The following PCDHA11 variants were observed in gnomAD, a reference collection of about 807,000 sequenced individuals.
The protein encoded by PCDHA11 is protocadherin alpha-11.
In PCDHA11, 61 loss-of-function variants were observed where a neutral mutation model predicts 70.3. The observed-to-expected ratio is 0.87, with a 90% confidence interval of 0.71 to 1.07. The LOEUF is 1.07. Ranked by LOEUF, PCDHA11 falls within the 50% of genes least tolerant of loss-of-function variation. PCDHA11 has a pLI of 0.00. For synonymous variants in PCDHA11, 633 were observed against 555.1 expected (o/e 1.14, Z -1.97); for missense variants, 1,324 against 1,237.5 (o/e 1.07, Z -1.05).
At chr5:140,883,636 G>A (rs781839349) in intron 1 of PCDHA11, 5 of 1,613,974 alleles carry the variant, frequency 3.1e-6, no homozygotes, top group South Asian at 2.2e-5. Context: ...CGGCGTTCGC[G>A]CAGCCCGAGT....
chr5:140,912,343 A>AT (rs35252606), intron 1 of PCDHA11, among the ~76,000 whole-genome samples: 1,442 of 143,856 alleles, frequency 0.01, 7 homozygotes, highest in South Asian at 0.021. Flanking sequence ...TACACTAAGT[A>AT]TTTTTTTTTT....
intron 1 of PCDHA11, among the ~76,000 whole-genome samples, chr5:140,914,475 T>A (rs1473439533): frequency 6.6e-6 from 1 of 152,204 alleles, no homozygotes; most frequent in Non-Finnish European, 1.5e-5. Context: ...TCTTCATAGG[T>A]GAAGTGTTTC....
chr5:140,892,351 G>T (rs1554185157), intron 1 of PCDHA11, among the ~76,000 whole-genome samples: 1 of 152,112 alleles, frequency 6.6e-6, no homozygotes, highest in Non-Finnish European at 1.5e-5. Context: ...ATTGACTTTT[G>T]CCAGGCATCT....
chr5:140,927,904 C>T, intron 1 of PCDHA11: 5 of 1,614,202 alleles, frequency 3.1e-6, no homozygotes, highest in Non-Finnish European at 4.2e-6. Flanking sequence ...CGATCATGCC[C>T]CCGAACTGGA....
At chr5:140,913,145 G>A (rs2076230074) in intron 1 of PCDHA11, among the ~76,000 whole-genome samples, 1 of 152,150 alleles carries the variant, frequency 6.6e-6, no homozygotes, top group Non-Finnish European at 1.5e-5. Context: ...TTTTGGAATA[G>A]TTTGAGTAGG....
intron 3 of PCDHA11, among the ~76,000 whole-genome samples, chr5:140,993,152 C>A (rs932484139): frequency 2.6e-4 from 39 of 152,142 alleles, no homozygotes; most frequent in African/African-American, 9.2e-4. Context: ...TAAATGGATT[C>A]TAAATATTTG....
intron 1 of PCDHA11, chr5:140,884,134 C>A: frequency 6.2e-6 from 10 of 1,613,442 alleles, no homozygotes; most frequent in Non-Finnish European, 7.6e-6. Context: ...GCATCCCGTT[C>A]CGCGTGGGGC....
chr5:140,921,228 T>G (rs1401455945), intron 1 of PCDHA11, among the ~76,000 whole-genome samples: 11 of 152,154 alleles, frequency 7.2e-5, no homozygotes, highest in African/African-American at 2.7e-4. Context: ...TTTTGCTAGA[T>G]GATATTAAGC....
intron 1 of PCDHA11, among the ~76,000 whole-genome samples, chr5:140,920,387 A>C (rs1163833842): frequency 6.6e-6 from 1 of 152,216 alleles, no homozygotes; most frequent in East Asian, 1.9e-4. Flanking sequence ...TCATATTACC[A>C]TCTGGTGTCT....
At chr5:140,982,240 A>G (rs1257297614) in intron 2 of PCDHA11, 14 of 694,558 alleles carry the variant, frequency 2.0e-5, no homozygotes, top group Admixed American at 3.6e-5. Flanking sequence ...CAGAATTGCC[A>G]TAAAGATAGA....
chr5:141,000,421 ATTTTT>A (rs34755515), intron 3 of PCDHA11, among the ~76,000 whole-genome samples: 89 of 27,938 alleles, frequency 3.2e-3, no homozygotes, highest in East Asian at 4.2e-3. Flanking sequence ...ATATATATAT[ATTTTT>A]TTTTTTTTTT....
intron 3 of PCDHA11, among the ~76,000 whole-genome samples, chr5:140,995,446 T>C (rs2097684088): frequency 6.6e-6 from 1 of 152,206 alleles, no homozygotes; most frequent in Non-Finnish European, 1.5e-5. Flanking sequence ...TTAAAACTTA[T>C]GAATTGTTTA....
rs186574903 is a variant in PCDHA11, at chr5:140,898,271, A to T, written c.2391+26777A>T. On this transcript the variant is annotated intron_variant, in intron 1 of 3. Transcript: ENST00000398640. The stretch of plus-strand genomic sequence containing the variant: ...AGACATGAAGTCCTTGCCCATGCCT[A>T]AGTTCTGAATGGTAATGCCTAGGTT... 4.6e-3 allele frequency among the ~76,000 whole-genome samples: 703 copies of T among 152,290 alleles called. 3 individuals carry two copies. The highest frequency in any genetic ancestry group is 0.016 in the African/African-American group (680 of 41,550).
chr5:140,990,852 A>T (rs1265916406), intron 3 of PCDHA11, among the ~76,000 whole-genome samples: 2 of 152,198 alleles, frequency 1.3e-5, no homozygotes, highest in Non-Finnish European at 1.5e-5. Context: ...TAGAGCCCTG[A>T]GGACATTGTA....
chr5:140,917,324 C>CGGGGGGGGGGGGG (rs1299895515), intron 1 of PCDHA11, among the ~76,000 whole-genome samples: 2 of 76,122 alleles, frequency 2.6e-5, no homozygotes, highest in Admixed American at 1.5e-4. Context: ...GTTCATGTGG[C>CGGGGGGGGGGGGG]GGGGGAGGGG....
chr5:140,988,051 T>C (rs903060920), intron 3 of PCDHA11, among the ~76,000 whole-genome samples: 2 of 152,240 alleles, frequency 1.3e-5, no homozygotes, highest in African/African-American at 2.4e-5. Flanking sequence ...TTAGGAGCAC[T>C]GTCAACATGA....
chr5:140,986,385 T>C (rs1554247992), intron 3 of PCDHA11, among the ~76,000 whole-genome samples: 2 of 152,134 alleles, frequency 1.3e-5, no homozygotes, highest in Non-Finnish European at 1.5e-5. Context: ...GGAGGGACAT[T>C]AAAGGGCCAG....
intron 1 of PCDHA11, chr5:140,967,162 C>T (rs782524334): frequency 1.9e-6 from 3 of 1,610,776 alleles, no homozygotes; most frequent in Non-Finnish European, 2.5e-6. Context: ...TGGCGGTGAG[C>T]GCCGTTGAGG....
intron 1 of PCDHA11, among the ~76,000 whole-genome samples, chr5:140,905,012 C>A (rs1335177928): frequency 6.6e-6 from 1 of 152,054 alleles, no homozygotes; most frequent in Non-Finnish European, 1.5e-5. Context: ...TTTGCTAATT[C>A]TTTTCTATGC....
Sources: allele counts gnomAD v4.1 joint callset (sites outside exome capture counted in the v4.1 genomes callset), GRCh38; gene constraint gnomAD v4.1.1; transcripts MANE v1.5; gene names NCBI Gene and HGNC (gene_info 2026-07-23, HGNC 2026-07-21).